Variants in B4GALT1 observed in about 807,000 individuals in gnomAD.
B4GALT1 encodes N-acetyllactosamine synthase.
B4GALT1 carries 16 observed loss-of-function variants against 34.9 expected under a neutral mutation model. The observed-to-expected ratio is 0.46, with a 90% CI of 0.31 to 0.70. B4GALT1 has a LOEUF of 0.70. B4GALT1 is among the 30% of genes least tolerant of loss of function. The pLI is 0.05. For synonymous variants in B4GALT1, 221 were observed against 218.1 expected (o/e 1.01, Z -0.12); for missense variants, 445 against 530.5 (o/e 0.84, Z 1.58).
intron 2 of B4GALT1, among the ~76,000 whole-genome samples, chr9:33,129,547 G>A (rs959386374): frequency 5.9e-5 from 9 of 152,236 alleles, no homozygotes; most frequent in Non-Finnish European, 1.0e-4. Flanking sequence ...ATCCTGGAGA[G>A]AAGCCCCGTG....
At position 33,111,731 on chromosome 9, in the gene B4GALT1, T is replaced by C. The variant is rs1423290687; in HGVS notation, c.*1723A>G. On this transcript the variant is annotated 3_prime_UTR_variant, in exon 6 of 6. Transcript: ENST00000379731. Reference sequence around the variant, plus strand: ...AACCCTGGGATTAGGCAGCTGAGTCTTGGAACCTGAGCCCAGGCTGGACCT... The same window carrying C: ...AACCCTGGGATTAGGCAGCTGAGTCCTGGAACCTGAGCCCAGGCTGGACCT... The C allele has an allele frequency of 6.6e-6, 1 of 152,612 alleles. No homozygotes were observed. The highest frequency in any genetic ancestry group is 2.4e-5 in the African/African-American group (1 of 41,454). 9.5% of individuals were successfully genotyped at this position (152,612 alleles called of 1,614,324 possible). A position where few individuals can be genotyped will look rare whatever the true frequency, so the allele number is the denominator to read the frequency against.
At chr9:33,181,153 C>T in the B4GALT1 span, among the ~76,000 whole-genome samples, 2 of 152,178 alleles carry the variant, frequency 1.3e-5, no homozygotes, top group African/African-American at 4.8e-5. Context: ...GGCACAATGG[C>T]TCACGCCTGT....
intron 1 of B4GALT1, among the ~76,000 whole-genome samples, chr9:33,158,732 C>T (rs1364208597): frequency 6.6e-6 from 1 of 152,178 alleles, no homozygotes; most frequent in African/African-American, 2.4e-5. Context: ...CTCCCTGCAC[C>T]TCCTCAGTAC....
At chr9:33,182,069 G>T in the B4GALT1 span, among the ~76,000 whole-genome samples, 1 of 150,366 alleles carries the variant, frequency 6.7e-6, no homozygotes, top group South Asian at 2.1e-4. Flanking sequence ...TTTTTTTTGT[G>T]GAGACAAGGT....
At chr9:33,181,824 C>T in the B4GALT1 span, among the ~76,000 whole-genome samples, 1 of 152,160 alleles carries the variant, frequency 6.6e-6, no homozygotes, top group Non-Finnish European at 1.5e-5. Flanking sequence ...TATTAGTTTC[C>T]AAGGACTCCT....
chr9:33,157,717 TA>T (rs34243341), intron 1 of B4GALT1, among the ~76,000 whole-genome samples: 73,320 of 145,548 alleles, frequency 0.5, 20,237 homozygotes, highest in Admixed American at 0.65. Context: ...TATTTTCAAC[TA>T]AAAAAAAAAA....
chr9:33,154,958 G>A (rs1194910938), intron 1 of B4GALT1, among the ~76,000 whole-genome samples: 1 of 152,124 alleles, frequency 6.6e-6, no homozygotes, highest in East Asian at 1.9e-4. Flanking sequence ...CTTAAGTTTA[G>A]GTGGATGTGG....
chr9:33,143,712 C>G (rs979316662), intron 1 of B4GALT1, among the ~76,000 whole-genome samples: 2 of 152,168 alleles, frequency 1.3e-5, no homozygotes, highest in African/African-American at 4.8e-5. Flanking sequence ...TATTAACTAC[C>G]ACTTCCCTCC....
chr9:33,104,525 G>C, exon 3 of B4GALT1: 1 of 336,826 alleles, frequency 3.0e-6, no homozygotes, highest in Non-Finnish European at 5.8e-6. Context: ...CTCCTTAGGG[G>C]AGGACAGCAT....
chr9:33,153,852 T>C (rs1195754858), intron 1 of B4GALT1, among the ~76,000 whole-genome samples: 1 of 152,014 alleles, frequency 6.6e-6, no homozygotes, highest in Non-Finnish European at 1.5e-5. Context: ...CCCTACTCAT[T>C]TTTTGAGGCA....
At chr9:33,150,939 T>C (rs1840508412) in intron 1 of B4GALT1, among the ~76,000 whole-genome samples, 1 of 151,960 alleles carries the variant, frequency 6.6e-6, no homozygotes, top group Non-Finnish European at 1.5e-5. Context: ...TGATGATTAT[T>C]GGCCATGAAA....
intron 2 of B4GALT1, among the ~76,000 whole-genome samples, chr9:33,132,797 C>T (rs1319754793): frequency 1.3e-5 from 2 of 152,202 alleles, no homozygotes; most frequent in Admixed American, 6.5e-5. Flanking sequence ...GACGTAGCAT[C>T]CCACCCTCCA....
downstream of B4GALT1, among the ~76,000 whole-genome samples, chr9:33,109,564 A>C (rs1211970541): frequency 1.3e-5 from 2 of 152,202 alleles, no homozygotes; most frequent in Non-Finnish European, 2.9e-5. Flanking sequence ...AGCTACTTCT[A>C]AGTTGTGGCG....
chr9:33,155,683 C>A (rs1217840592), intron 1 of B4GALT1, among the ~76,000 whole-genome samples: 1 of 152,198 alleles, frequency 6.6e-6, no homozygotes, highest in East Asian at 1.9e-4. Flanking sequence ...GTGGTCAGAG[C>A]CTCACGCCTC....
At chr9:33,156,627 A>C (rs1266014894) in intron 1 of B4GALT1, among the ~76,000 whole-genome samples, 20 of 152,142 alleles carry the variant, frequency 1.3e-4, no homozygotes. Flanking sequence ...TATCCAACAT[A>C]ATTTAAAAGC....
chr9:33,167,979 A>G (rs1452780644), upstream of B4GALT1, among the ~76,000 whole-genome samples: 3 of 152,180 alleles, frequency 2.0e-5, no homozygotes, highest in East Asian at 5.8e-4. Context: ...CCTGGGCTAT[A>G]AGGGGCTCTC....
chr9:33,108,841 G>A (rs1010809713), downstream of B4GALT1: 3 of 152,098 alleles, frequency 2.0e-5, no homozygotes, highest in Admixed American at 6.5e-5. Flanking sequence ...CTGGGTTCCT[G>A]GTACAGAGCC....
At chr9:33,162,084 C>T (rs909550933) in intron 1 of B4GALT1, among the ~76,000 whole-genome samples, 2 of 152,186 alleles carry the variant, frequency 1.3e-5, no homozygotes, top group African/African-American at 4.8e-5. Flanking sequence ...GCCTGGAAAT[C>T]CCTACCCTGC....
chr9:33,144,952 T>C (rs1840405289), intron 1 of B4GALT1, among the ~76,000 whole-genome samples: 1 of 152,234 alleles, frequency 6.6e-6, no homozygotes, highest in Non-Finnish European at 1.5e-5. Context: ...ATCTTGCCTT[T>C]GATGTTTTAG....
Sources: gnomAD v4.1 joint callset for allele counts (sites outside exome capture counted in the v4.1 genomes callset) on GRCh38, gnomAD v4.1.1 for gene constraint, MANE v1.5 for transcripts, NCBI Gene and HGNC (gene_info 2026-07-23, HGNC 2026-07-21) for gene names.